POU6F2: variants seen among roughly 807,000 people sequenced by gnomAD.
POU6F2 encodes the protein POU domain, class 6, transcription factor 2.
A neutral mutation model predicts 71.3 loss-of-function variants in POU6F2; 31 were observed. That is an observed-to-expected ratio of 0.43 (90% confidence interval 0.33 to 0.59). The LOEUF is 0.59. Among genes scored for constraint, POU6F2 ranks in the 20% least tolerant of loss-of-function variants. POU6F2 has a pLI of 0.04. For missense variants in POU6F2, 783 were observed against 856.8 expected (o/e 0.91, Z 1.07); for synonymous variants, 347 against 355.7 (o/e 0.98, Z 0.27).
chr7:38,991,208 T>C (rs916977932), intron 1 of POU6F2, among the ~76,000 whole-genome samples: 1 of 152,158 alleles, frequency 6.6e-6, no homozygotes, highest in Admixed American at 6.6e-5. Flanking sequence ...TATTTATGTT[T>C]AGGAACAATT....
chr7:39,356,321 C>T (rs1225327885), intron 5 of POU6F2, among the ~76,000 whole-genome samples: 1 of 152,134 alleles, frequency 6.6e-6, no homozygotes, highest in African/African-American at 2.4e-5. Flanking sequence ...GACACAATCC[C>T]TCCCTCGCTT....
At chr7:39,231,045 C>T (rs971503010) in intron 4 of POU6F2, among the ~76,000 whole-genome samples, 1 of 152,054 alleles carries the variant, frequency 6.6e-6, no homozygotes, top group Non-Finnish European at 1.5e-5. Flanking sequence ...ACCAGTGATG[C>T]AGCTAAATAC....
chr7:39,091,626 C>T (rs902735951), intron 2 of POU6F2, among the ~76,000 whole-genome samples: 3 of 152,110 alleles, frequency 2.0e-5, no homozygotes, highest in Non-Finnish European at 4.4e-5. Context: ...CATGGTATTA[C>T]AGTGTTTTTG....
intron 4 of POU6F2, among the ~76,000 whole-genome samples, chr7:39,208,678 C>T (rs145154739): frequency 0.011 from 1,749 of 152,250 alleles, 17 homozygotes; most frequent in Middle Eastern, 0.051. Flanking sequence ...ATGTTTAAAA[C>T]GAAGTCTCTC....
intron 1 of POU6F2, among the ~76,000 whole-genome samples, chr7:39,026,615 G>C (rs1049259312): frequency 3.3e-5 from 5 of 152,018 alleles, no homozygotes; most frequent in Non-Finnish European, 7.4e-5. Flanking sequence ...TGGGAGGAGT[G>C]GGGAGGGATA....
chr7:39,328,410 G>A (rs910386832), intron 4 of POU6F2, among the ~76,000 whole-genome samples: 1 of 152,124 alleles, frequency 6.6e-6, no homozygotes, highest in African/African-American at 2.4e-5. Flanking sequence ...TAATCTATCG[G>A]GAACAAATAT....
chr7:39,260,442 T>A (rs1562767376), intron 4 of POU6F2, among the ~76,000 whole-genome samples: 2 of 143,688 alleles, frequency 1.4e-5, no homozygotes, highest in African/African-American at 5.3e-5. Flanking sequence ...ACACACCCCA[T>A]ACACATACAT....
chr7:39,447,099 A>T (rs1181891463), intron 7 of POU6F2, among the ~76,000 whole-genome samples: 1 of 152,218 alleles, frequency 6.6e-6, no homozygotes, highest in East Asian at 1.9e-4. Flanking sequence ...AACTGCACTA[A>T]AATCATAACA....
At chr7:39,155,698 T>C (rs1294215005) in intron 2 of POU6F2, among the ~76,000 whole-genome samples, 1 of 152,196 alleles carries the variant, frequency 6.6e-6, no homozygotes, top group Non-Finnish European at 1.5e-5. Context: ...AAGGCAAACA[T>C]CCAATTTTAT....
At chr7:39,062,455 T>C (rs548961512) in intron 1 of POU6F2, among the ~76,000 whole-genome samples, 1 of 151,680 alleles carries the variant, frequency 6.6e-6, no homozygotes, top group Admixed American at 6.6e-5. Context: ...TTAGACTTTG[T>C]TATTGCCAAA....
At chr7:39,380,458 G>T (rs2115791725) in intron 5 of POU6F2, among the ~76,000 whole-genome samples, 1 of 152,326 alleles carries the variant, frequency 6.6e-6, no homozygotes, top group South Asian at 2.1e-4. Context: ...CTCCAATAAT[G>T]TTGATGTAGG....
chr7:39,111,074 GTAT>G (rs1239408162), intron 2 of POU6F2, among the ~76,000 whole-genome samples: 6 of 152,134 alleles, frequency 3.9e-5, no homozygotes, highest in Non-Finnish European at 7.4e-5. Context: ...TGATAAATGT[GTAT>G]ATGTGTATAT....
chr7:39,420,896 A>G (rs1787834987), intron 6 of POU6F2, among the ~76,000 whole-genome samples: 1 of 152,210 alleles, frequency 6.6e-6, no homozygotes, highest in Non-Finnish European at 1.5e-5. Context: ...TTAAAACAGG[A>G]CAGTCAGAAA....
intron 4 of POU6F2, among the ~76,000 whole-genome samples, chr7:39,235,898 G>A (rs150700822): frequency 5.3e-5 from 8 of 152,186 alleles, no homozygotes; most frequent in South Asian, 2.1e-4. Context: ...CTTTCCAATC[G>A]AGAGCATCAT....
intron 2 of POU6F2, among the ~76,000 whole-genome samples, chr7:39,184,492 C>T (rs994722675): frequency 6.6e-6 from 1 of 152,192 alleles, no homozygotes; most frequent in Non-Finnish European, 1.5e-5. Flanking sequence ...GAATTACCAG[C>T]TTCTCAACAC....
chr7:39,284,310 T>C (rs562644417), intron 4 of POU6F2, among the ~76,000 whole-genome samples: 2 of 152,346 alleles, frequency 1.3e-5, no homozygotes, highest in Admixed American at 1.3e-4. Flanking sequence ...AAGGAAGTCA[T>C]ATAATAAACT....
At chr7:39,276,945 T>G (rs1784452385) in intron 4 of POU6F2, among the ~76,000 whole-genome samples, 2 of 151,540 alleles carry the variant, frequency 1.3e-5, no homozygotes, top group African/African-American at 4.8e-5. Context: ...GAGATATACC[T>G]AATGCTAAAT....
At chr7:39,068,014 C>T (rs895957150) in intron 1 of POU6F2, among the ~76,000 whole-genome samples, 27 of 152,118 alleles carry the variant, frequency 1.8e-4, no homozygotes, top group Non-Finnish European at 1.2e-4. Context: ...CCCGTAATTT[C>T]ACTCCTGAGA....
intron 5 of POU6F2, among the ~76,000 whole-genome samples, chr7:39,343,624 A>G (rs1785968778): frequency 6.6e-6 from 1 of 152,162 alleles, no homozygotes; most frequent in Non-Finnish European, 1.5e-5. Context: ...GTCTGGAGAT[A>G]TGCTGGGCAT....
Sources: gnomAD v4.1 joint callset for allele counts (sites outside exome capture counted in the v4.1 genomes callset) on GRCh38, gnomAD v4.1.1 for gene constraint, MANE v1.5 for transcripts, NCBI Gene and HGNC (gene_info 2026-07-23, HGNC 2026-07-21) for gene names.